TMEM170A: variants seen among roughly 807,000 people sequenced by gnomAD.
The protein encoded by TMEM170A is transmembrane protein 170.
In TMEM170A, 18 loss-of-function variants were observed where a neutral mutation model predicts 12.8. That is an observed-to-expected ratio of 1.41 (90% CI 0.97 to 2.09). The LOEUF is 2.09. Ranked by LOEUF, TMEM170A falls within the 30% of genes most tolerant of loss-of-function variation. The probability of loss-of-function intolerance (pLI) is 0.00; values close to 1 mark genes in which losing one functional copy is unlikely to be tolerated. For missense variants in TMEM170A, 220 were observed against 179.9 expected, an observed-to-expected ratio of 1.22 and a Z score of -1.28; for synonymous variants, 107 against 76.2, an observed-to-expected ratio of 1.40 and a Z score of -2.11.
chr16:75,457,249 G>A (rs2079816142), intron 1 of TMEM170A, among the ~76,000 whole-genome samples: 4 of 152,212 alleles, frequency 2.6e-5, no homozygotes, highest in African/African-American at 9.6e-5. Flanking sequence ...AACCACTGAG[G>A]CCTTGAACTG....
chr16:75,463,700 C>T (rs2041535442), intron 1 of TMEM170A, among the ~76,000 whole-genome samples: 1 of 152,252 alleles, frequency 6.6e-6, no homozygotes, highest in Non-Finnish European at 1.5e-5. Flanking sequence ...AACTGTGCCT[C>T]CCCTCAAAGC....
Position 75,444,455 on chromosome 16 carries a change from CAAAACAAA to C in TMEM170A, c.*3095_*3102del, listed in dbSNP as rs2079550681. ...TGGGCGACAGAGCAAGACTCCGTCT[CAAAACAAA>C]AAAACCAAAAAACCAAAGCACAGCT... On this transcript the variant is annotated 3_prime_UTR_variant, in exon 3 of 3. Coordinates refer to ENST00000561878, the MANE Select transcript of TMEM170A (RefSeq NM_145254.3). The C allele has an allele frequency of 2.0e-5, 3 of 152,128 alleles. No individual in the cohort carries two copies. The South Asian group carries it at 6.2e-4, about 32-fold the overall frequency. The allele number at this position is 152,128 out of a possible 1,614,324, so 9.4% of individuals were successfully genotyped here.
At chr16:75,461,019 A>AT (rs1385342117) in intron 1 of TMEM170A, among the ~76,000 whole-genome samples, 4 of 152,192 alleles carry the variant, frequency 2.6e-5, no homozygotes, top group Non-Finnish European at 4.4e-5. Flanking sequence ...AAAGGAAAAA[A>AT]TTTTAAACTG....
intron 1 of TMEM170A, among the ~76,000 whole-genome samples, chr16:75,457,381 G>A (rs2079818465): frequency 6.6e-6 from 1 of 152,134 alleles, no homozygotes; most frequent in African/African-American, 2.4e-5. Flanking sequence ...CTATTCCTGT[G>A]TTAAACCCTA....
Position 75,444,473 on chromosome 16 carries a change from A to C in TMEM170A, c.*3085T>G, listed in dbSNP as rs895088963. Reference sequence around the variant, plus strand: ...TCCGTCTCAAAACAAAAAAACCAAAAAACCAAAGCACAGCTGGGGGAGGAT... The same window carrying C: ...TCCGTCTCAAAACAAAAAAACCAAACAACCAAAGCACAGCTGGGGGAGGAT... On this transcript the variant is annotated 3_prime_UTR_variant, in exon 3 of 3. Transcript: ENST00000561878. 1.3e-5 allele frequency: 2 copies of C among 152,174 alleles called. No homozygotes were observed. The highest frequency in any genetic ancestry group is 4.8e-5 in the African/African-American group (2 of 41,426). The allele number at this position is 152,174 out of a possible 1,614,324, so 9.4% of individuals were successfully genotyped here. A position where few individuals can be genotyped will look rare whatever the true frequency, so the allele number is the denominator to read the frequency against.
Position 75,446,012 on chromosome 16 carries a change from TAA to T in TMEM170A, c.*1544_*1545del. On this transcript the variant is annotated 3_prime_UTR_variant, in exon 3 of 3. Coordinates refer to ENST00000561878, the MANE Select transcript of TMEM170A (RefSeq NM_145254.3). ...GCAAGATGGTGAAACCTATCTCTAC[TAA>T]AAATACAAAAATTAGCCGGGCACGG... The T allele has an allele frequency of 6.6e-6, 1 of 151,944 alleles. No homozygotes were observed. The highest frequency in any genetic ancestry group is 1.9e-4 in the East Asian group (1 of 5,152). The allele number at this position is 151,944 out of a possible 1,614,324, so 9.4% of individuals were successfully genotyped here. A position where few individuals can be genotyped will look rare whatever the true frequency, so the allele number is the denominator to read the frequency against.
intron 1 of TMEM170A, among the ~76,000 whole-genome samples, chr16:75,457,717 A>C (rs2079824784): frequency 6.6e-6 from 1 of 152,120 alleles, no homozygotes; most frequent in South Asian, 2.1e-4. Context: ...TCAATTTTCC[A>C]AAAAGCTTAA....
In TMEM170A at chr16:75,450,169, C is replaced by T. The variant is rs182643864; in HGVS notation, c.304+1500G>A. Among the ~76,000 whole-genome samples, 666 of 125,310 alleles carry T rather than the reference C, an allele frequency of 5.3e-3. 8 individuals carry two copies. The highest frequency in any genetic ancestry group is 0.021 in the African/African-American group (603 of 28,560). 82.2% of individuals were successfully genotyped at this position (125,310 alleles called of 152,430 possible). A position where few individuals can be genotyped will look rare whatever the true frequency, so the allele number is the denominator to read the frequency against. On this transcript the variant is annotated intron_variant, in intron 2 of 2. Coordinates refer to ENST00000561878, the MANE Select transcript of TMEM170A (RefSeq NM_145254.3). ...ACAGTTAGAACACAGAGAAACTAGG[C>T]CACTTTCTCTCAAAAAAAAAAAAAA... is the stretch of plus-strand genomic sequence containing the variant.
intron 1 of TMEM170A, chr16:75,458,229 A>T (rs757764853): frequency 6.6e-6 from 1 of 152,214 alleles, no homozygotes; most frequent in Non-Finnish European, 1.5e-5. Context: ...CCCTATGGTG[A>T]AGGTAAATCA....
chr16:75,444,870 G>T lies in TMEM170A; in HGVS notation c.*2688C>A, dbSNP rs1249273644. ...CAGAAACAAATACACCTTTCAAAAT[G>T]CCCTAATTTTAAGTCTTAGCTCCAG... is the stretch of plus-strand genomic sequence containing the variant. On this transcript the variant is annotated 3_prime_UTR_variant, in exon 3 of 3. Coordinates refer to ENST00000561878, the MANE Select transcript of TMEM170A (RefSeq NM_145254.3). The T allele has an allele frequency of 6.6e-6, 1 of 152,050 alleles. No homozygotes were observed. The highest frequency in any genetic ancestry group is 1.5e-5 in the Non-Finnish European group (1 of 68,014). 9.4% of individuals were successfully genotyped at this position (152,050 alleles called of 1,614,324 possible). A position where few individuals can be genotyped will look rare whatever the true frequency, so the allele number is the denominator to read the frequency against.
upstream of TMEM170A, chr16:75,464,727 C>T: frequency 2.3e-6 from 3 of 1,320,214 alleles, no homozygotes; most frequent in Non-Finnish European, 3.0e-6. Flanking sequence ...ATCCCAACGG[C>T]GCTGCCAAGT....
chr16:75,462,952 TG>T (rs1164487970), intron 1 of TMEM170A, among the ~76,000 whole-genome samples: 5 of 152,218 alleles, frequency 3.3e-5, no homozygotes, highest in Admixed American at 1.3e-4. Flanking sequence ...GCAAGTGTTA[TG>T]ACTTCTGCAA....
chr16:75,464,386 ACCCCG>A, intron 1 of TMEM170A, 77 bp downstream of exon 1: 1 of 1,375,204 alleles, frequency 7.3e-7, no homozygotes, highest in Non-Finnish European at 9.4e-7. Flanking sequence ...CGCACCCGGG[ACCCCG>A]CCCAGACTCG....
Position 75,464,314 on chromosome 16 carries a change from G to A in TMEM170A, c.133+154C>T, listed in dbSNP as rs924523654. The A allele has an allele frequency of 1.6e-5, 23 of 1,454,268 alleles. No individual in the cohort carries two copies. The African/African-American group carries it at 2.7e-4, about 17-fold the overall frequency. 90.1% of individuals were successfully genotyped at this position (1,454,268 alleles called of 1,614,324 possible). A position where few individuals can be genotyped will look rare whatever the true frequency, so the allele number is the denominator to read the frequency against. On this transcript the variant is annotated intron_variant, in intron 1 of 2. Coordinates refer to ENST00000561878, the MANE Select transcript of TMEM170A (RefSeq NM_145254.3). ...CCGCCGAAGAAGTGATGGGGAAAGGGGCTCCGGGCGAGCAGCACGGCCCCC... is the reference window on the plus strand; with the variant it reads ...CCGCCGAAGAAGTGATGGGGAAAGGAGCTCCGGGCGAGCAGCACGGCCCCC...
chr16:75,453,763 C>G (rs2079731431), intron 1 of TMEM170A, among the ~76,000 whole-genome samples: 1 of 152,186 alleles, frequency 6.6e-6, no homozygotes, highest in African/African-American at 2.4e-5. Flanking sequence ...CTGGCTCCTA[C>G]AGAACTCTAA....
At chr16:75,448,871 G>A (rs1020699006) in intron 2 of TMEM170A, among the ~76,000 whole-genome samples, 2 of 151,944 alleles carry the variant, frequency 1.3e-5, no homozygotes, top group Non-Finnish European at 2.9e-5. Context: ...AGACCATCCT[G>A]GGTAACATGA....
intron 1 of TMEM170A, among the ~76,000 whole-genome samples, chr16:75,463,830 C>T (rs1046578523): frequency 6.6e-6 from 1 of 152,204 alleles, no homozygotes; most frequent in Non-Finnish European, 1.5e-5. Context: ...CAAGCCGCAG[C>T]GGGGAGGAAG....
chr16:75,463,714 TCTC>T (rs2079945963), intron 1 of TMEM170A, among the ~76,000 whole-genome samples: 1 of 152,144 alleles, frequency 6.6e-6, no homozygotes, highest in African/African-American at 2.4e-5. Context: ...TCAAAGCTTT[TCTC>T]CTCCTTCCCA....
chr16:75,453,371 T>A (rs2079723530), intron 1 of TMEM170A, among the ~76,000 whole-genome samples: 1 of 152,164 alleles, frequency 6.6e-6, no homozygotes, highest in Non-Finnish European at 1.5e-5. Flanking sequence ...GAGGCAGAGG[T>A]TGCAGTAAGT....
Sources: gnomAD v4.1 joint callset for allele counts (sites outside exome capture counted in the v4.1 genomes callset) on GRCh38, gnomAD v4.1.1 for gene constraint, MANE v1.5 for transcripts, NCBI Gene and HGNC (gene_info 2026-07-23, HGNC 2026-07-21) for gene names.